Variants in GPM6A observed in about 807,000 individuals in gnomAD.
GPM6A encodes the protein neuronal membrane glycoprotein M6-a.
In GPM6A, 7 loss-of-function variants were observed where a neutral mutation model predicts 32.1. The ratio of observed to expected loss-of-function variants is 0.22; its 90% CI spans 0.12 to 0.41. The LOEUF (loss-of-function observed/expected upper bound fraction) is 0.41. Among genes scored for constraint, GPM6A ranks in the 10% least tolerant of loss-of-function variants. GPM6A has a pLI of 1.00. For synonymous variants in GPM6A, 130 were observed against 123.4 expected, an observed-to-expected ratio of 1.05 and a Z score of -0.35; for missense variants, 235 against 347.2, an observed-to-expected ratio of 0.68 and a Z score of 2.57.
chr4:175,787,326 T>G (rs1579500221), intron 1 of GPM6A: 1 of 1,513,706 alleles, frequency 6.6e-7, no homozygotes, highest in East Asian at 2.4e-5. Context: ...AAAGTCACCC[T>G]TGACCTTACC....
chr4:175,933,605 C>T (rs1253295081), intron 1 of GPM6A, among the ~76,000 whole-genome samples: 3 of 152,086 alleles, frequency 2.0e-5, no homozygotes, highest in East Asian at 1.9e-4. Context: ...TGTTTTTTCA[C>T]GATCTTGGCT....
At position 175,770,733 on chromosome 4, in the gene GPM6A, C is replaced by T. The variant is rs1733154094; in HGVS notation, c.37+41458G>A. Among the ~76,000 whole-genome samples, 4 of 152,284 alleles carry T rather than the reference C, an allele frequency of 2.6e-5. 1 individual carries two copies. In the South Asian group the frequency reaches 8.3e-4, roughly 32 times the overall value. Reference sequence around the variant, plus strand: ...CTGCCTCATGGATGACCTCACTGTGCAATTTCCTCAGCAGCATCTCTAACA... The same window carrying T: ...CTGCCTCATGGATGACCTCACTGTGTAATTTCCTCAGCAGCATCTCTAACA... On this transcript the variant is annotated intron_variant, in intron 1 of 6. Coordinates refer to ENST00000393658, the MANE Select transcript of GPM6A (RefSeq NM_201591.3).
At chr4:175,708,736 G>C (rs1745357628) in intron 1 of GPM6A, among the ~76,000 whole-genome samples, 1 of 152,138 alleles carries the variant, frequency 6.6e-6, no homozygotes, top group Non-Finnish European at 1.5e-5. Flanking sequence ...TAGAGACAAA[G>C]GAACACAGGA....
chr4:175,735,880 C>A (rs559204027), intron 1 of GPM6A, among the ~76,000 whole-genome samples: 1 of 152,012 alleles, frequency 6.6e-6, no homozygotes, highest in South Asian at 2.1e-4. Flanking sequence ...TCTTAAAACA[C>A]AAATAGATTT....
intron 1 of GPM6A, among the ~76,000 whole-genome samples, chr4:175,904,355 T>G (rs749942973): frequency 3.9e-5 from 6 of 152,306 alleles, no homozygotes; most frequent in Admixed American, 6.5e-5. Context: ...ATTCTTAGAC[T>G]TGAGCTAACA....
At chr4:175,824,663 G>A (rs111778678) in intron 1 of GPM6A, among the ~76,000 whole-genome samples, 165 of 152,180 alleles carry the variant, frequency 1.1e-3, no homozygotes, top group African/African-American at 3.6e-3. Context: ...AACCTATTGC[G>A]AGGTGCCCAG....
chr4:175,740,846 G>C (rs985009712), intron 1 of GPM6A, among the ~76,000 whole-genome samples: 4 of 151,934 alleles, frequency 2.6e-5, no homozygotes, highest in Admixed American at 2.6e-4. Flanking sequence ...TGGATGAAAG[G>C]CATTTTTAAG....
intron 1 of GPM6A, among the ~76,000 whole-genome samples, chr4:175,866,579 T>C (rs1378983414): frequency 1.3e-5 from 2 of 152,176 alleles, no homozygotes; most frequent in Admixed American, 1.3e-4. Flanking sequence ...TTCCCCGTGT[T>C]TTTGCATGGC....
intron 1 of GPM6A, among the ~76,000 whole-genome samples, chr4:175,751,378 GCAACT>G (rs1271221416): frequency 6.6e-6 from 1 of 152,000 alleles, no homozygotes; most frequent in Non-Finnish European, 1.5e-5. Flanking sequence ...ACCTAGAATG[GCAACT>G]TATTTTCCCA....
chr4:175,678,703 T>G (rs1225483259), intron 2 of GPM6A, among the ~76,000 whole-genome samples: 1 of 152,188 alleles, frequency 6.6e-6, no homozygotes, highest in African/African-American at 2.4e-5. Context: ...GTCGCGCATT[T>G]GAAAGAATCT....
intron 1 of GPM6A, among the ~76,000 whole-genome samples, chr4:175,760,509 T>C (rs1345936510): frequency 6.6e-6 from 1 of 152,188 alleles, no homozygotes; most frequent in African/African-American, 2.4e-5. Context: ...ATTTTATGAA[T>C]ATATGCTCAA....
chr4:175,982,213 T>A (rs1305871799), intron 1 of GPM6A, among the ~76,000 whole-genome samples: 1 of 152,150 alleles, frequency 6.6e-6, no homozygotes, highest in East Asian at 1.9e-4. Flanking sequence ...ATTTCCTTAA[T>A]GTGTCACAAA....
chr4:175,929,352 C>A (rs1204395771), intron 1 of GPM6A, among the ~76,000 whole-genome samples: 5 of 152,126 alleles, frequency 3.3e-5, no homozygotes, highest in Admixed American at 3.3e-4. Flanking sequence ...ATGCTCAACG[C>A]CAGGAGTACT....
At chr4:175,809,498 T>G (rs1031771726) in intron 1 of GPM6A, among the ~76,000 whole-genome samples, 1 of 152,092 alleles carries the variant, frequency 6.6e-6, no homozygotes, top group African/African-American at 2.4e-5. Flanking sequence ...AAATACTAGA[T>G]TCCCCTCAGC....
intron 1 of GPM6A, chr4:175,891,553 C>T (rs1273483582): frequency 2.0e-5 from 3 of 152,198 alleles, no homozygotes; most frequent in East Asian, 1.9e-4. Context: ...TCTCCATCAT[C>T]GAAATGTACC....
intron 1 of GPM6A, among the ~76,000 whole-genome samples, chr4:175,920,240 G>A (rs2111524215): frequency 6.6e-6 from 1 of 152,304 alleles, no homozygotes; most frequent in South Asian, 2.1e-4. Context: ...ATGTCTGGCA[G>A]GAATTTAGGA....
chr4:175,840,180 C>A (rs1270125240), intron 1 of GPM6A, among the ~76,000 whole-genome samples: 2 of 152,022 alleles, frequency 1.3e-5, no homozygotes, highest in Non-Finnish European at 2.9e-5. Context: ...TAAATCTAAC[C>A]CATCATAATT....
chr4:175,673,604 T>G (rs1399137655), intron 3 of GPM6A, 76 bp downstream of exon 3: 7 of 1,012,598 alleles, frequency 6.9e-6, no homozygotes, highest in Non-Finnish European at 7.1e-6. Context: ...CTTTAATTCT[T>G]GGGAGATGAA....
At chr4:175,743,876 A>C (rs1731987335) in intron 1 of GPM6A, among the ~76,000 whole-genome samples, 1 of 151,998 alleles carries the variant, frequency 6.6e-6, no homozygotes, top group African/African-American at 2.4e-5. Context: ...ATAATGTAAT[A>C]ACTATCAGAA....
Sources: allele counts gnomAD v4.1 joint callset (sites outside exome capture counted in the v4.1 genomes callset), GRCh38; gene constraint gnomAD v4.1.1; transcripts MANE v1.5; gene names NCBI Gene and HGNC (gene_info 2026-07-23, HGNC 2026-07-21).